KCNMA1: variants seen among roughly 807,000 people sequenced by gnomAD.
KCNMA1 encodes the protein potassium calcium-activated channel subfamily M alpha 1, also known as Calcium-activated potassium channel subunit alpha-1.
In KCNMA1, 29 loss-of-function variants were observed where a neutral mutation model predicts 140.0. The ratio of observed to expected loss-of-function variants is 0.21; its 90% CI spans 0.15 to 0.28. The LOEUF is 0.28. Among genes scored for constraint, KCNMA1 ranks in the 10% least tolerant of loss-of-function variants. KCNMA1 has a pLI of 1.00. For missense variants in KCNMA1, 880 were observed against 1,602.2 expected (o/e 0.55, Z 7.70); for synonymous variants, 612 against 611.9 (o/e 1.00, Z 0.00).
chr10:77,017,492 T>C (rs2092280936), intron 17 of KCNMA1, among the ~76,000 whole-genome samples: 2 of 152,160 alleles, frequency 1.3e-5, no homozygotes, highest in Non-Finnish European at 1.5e-5. Context: ...AGGGAGGTAT[T>C]TTTCCCCCAC....
At chr10:77,312,951 A>G (rs1479269774) in intron 2 of KCNMA1, among the ~76,000 whole-genome samples, 1 of 152,186 alleles carries the variant, frequency 6.6e-6, no homozygotes, top group African/African-American at 2.4e-5. Context: ...ACAAATTACC[A>G]CATGATTTAA....
intron 22 of KCNMA1, among the ~76,000 whole-genome samples, chr10:76,946,259 C>T (rs141775236): frequency 1.8e-3 from 275 of 152,226 alleles, no homozygotes; most frequent in Non-Finnish European, 2.8e-3. Context: ...AGTGGCCACG[C>T]GGCATCATTT....
In KCNMA1 at chr10:77,284,079, G is replaced by A. The variant is rs368790213; in HGVS notation, c.541-32823C>T. Among the ~76,000 whole-genome samples the A allele has an allele frequency of 6.9e-4, 105 of 152,290 alleles. 2 individuals are homozygous for A. In the South Asian group the frequency reaches 0.021, roughly 31 times the overall value. On this transcript the variant is annotated intron_variant, in intron 2 of 27. Transcript: ENST00000286628. ...GCCCAGTGGCAAGAAAGACTATGGC[G>A]TGGTGAAAAATTGGGCTAAAGACAA...
chr10:77,440,193 G>A (rs2097366478), intron 1 of KCNMA1, among the ~76,000 whole-genome samples: 1 of 152,206 alleles, frequency 6.6e-6, no homozygotes, highest in African/African-American at 2.4e-5. Context: ...TCAAGACAGT[G>A]GGCCAGATGC....
At chr10:77,508,931 C>T (rs2047278461) in intron 1 of KCNMA1, among the ~76,000 whole-genome samples, 1 of 152,184 alleles carries the variant, frequency 6.6e-6, no homozygotes, top group Non-Finnish European at 1.5e-5. Flanking sequence ...CTGGCTTATT[C>T]CACTTAGCAT....
At chr10:77,520,839 G>T (rs2053130332) in intron 1 of KCNMA1, among the ~76,000 whole-genome samples, 1 of 152,158 alleles carries the variant, frequency 6.6e-6, no homozygotes, top group African/African-American at 2.4e-5. Context: ...TCCAGCCTCA[G>T]GGAAAGGCGT....
At chr10:77,526,661 A>G (rs2055803463) in intron 1 of KCNMA1, among the ~76,000 whole-genome samples, 1 of 152,228 alleles carries the variant, frequency 6.6e-6, no homozygotes, top group Non-Finnish European at 1.5e-5. Flanking sequence ...AGAAGAGTCA[A>G]AAGTGGCACC....
intron 3 of KCNMA1, among the ~76,000 whole-genome samples, chr10:77,193,877 A>T (rs927891754): frequency 6.6e-6 from 1 of 152,172 alleles, no homozygotes; most frequent in Non-Finnish European, 1.5e-5. Context: ...CCCTGGATCC[A>T]TACTCCTCTC....
At chr10:76,876,211 A>C (rs1286648730), downstream of KCNMA1, 1 of 152,650 alleles carries the variant, frequency 6.6e-6, no homozygotes, top group Non-Finnish European at 1.5e-5. Flanking sequence ...CCAAAGAGTT[A>C]ATGGACTAGA....
intron 2 of KCNMA1, among the ~76,000 whole-genome samples, chr10:77,266,428 C>T (rs924846908): frequency 6.6e-6 from 1 of 152,184 alleles, no homozygotes; most frequent in Non-Finnish European, 1.5e-5. Flanking sequence ...TATGACTTCT[C>T]TTGTGTGCTC....
rs560093642 is a variant in KCNMA1, at chr10:77,344,114, A to C, written c.540+59748T>G. On this transcript the variant is annotated intron_variant, in intron 2 of 27. Coordinates refer to ENST00000286628, the MANE Select transcript of KCNMA1 (RefSeq NM_001161352.2). ...AGTGATGCACATCCCTTAGTGCCTC[A>C]TGTCCTGCCTAACAGTGGATGCTGG... 4.6e-4 allele frequency among the ~76,000 whole-genome samples: 70 copies of C among 152,306 alleles called. 1 individual carries two copies. Among genetic ancestry groups the C allele is most frequent in the African/African-American group, 1.7e-3 (69 of 41,572 alleles).
chr10:77,405,404 G>C (rs541081909), intron 1 of KCNMA1, among the ~76,000 whole-genome samples: 1 of 152,292 alleles, frequency 6.6e-6, no homozygotes, highest in African/African-American at 2.4e-5. Context: ...GACAGAGTTG[G>C]CTCAATAACC....
chr10:76,948,987 C>T, intron 22 of KCNMA1, 155 bp downstream of exon 22: 1 of 763,866 alleles, frequency 1.3e-6, no homozygotes, highest in Non-Finnish European at 2.3e-6. Flanking sequence ...TTTGGATTTT[C>T]CTTGACAGAG....
Position 76,961,670 on chromosome 10 carries a change from G to A in KCNMA1, c.2361-7746C>T, listed in dbSNP as rs1012688317. Among the ~76,000 whole-genome samples the A allele has an allele frequency of 4.3e-4, 66 of 152,174 alleles. 1 individual carries two copies. Among genetic ancestry groups the A allele is most frequent in the Non-Finnish European group, 1.8e-4 (12 of 68,002 alleles). Reference sequence around the variant, plus strand: ...TGTTGTCTTATTTTAAGAAATTGTCGCAGCCACCACAATCTTCAGCTACCA... The same window carrying A: ...TGTTGTCTTATTTTAAGAAATTGTCACAGCCACCACAATCTTCAGCTACCA... On this transcript the variant is annotated intron_variant, in intron 20 of 27. Coordinates refer to ENST00000286628, the MANE Select transcript of KCNMA1 (RefSeq NM_001161352.2).
At chr10:77,003,745 T>C (rs945526918) in intron 18 of KCNMA1, among the ~76,000 whole-genome samples, 1 of 152,210 alleles carries the variant, frequency 6.6e-6, no homozygotes, top group African/African-American at 2.4e-5. Context: ...TGTACAATAA[T>C]AGAATCTGAC....
intron 5 of KCNMA1, among the ~76,000 whole-genome samples, chr10:77,155,022 C>T (rs922772798): frequency 5.9e-5 from 9 of 152,038 alleles, no homozygotes; most frequent in African/African-American, 2.2e-4. Context: ...TCCAAAGGAG[C>T]GGGTTGCTGC....
At chr10:77,329,572 C>G (rs1240166574) in intron 2 of KCNMA1, among the ~76,000 whole-genome samples, 1 of 152,206 alleles carries the variant, frequency 6.6e-6, no homozygotes, top group Non-Finnish European at 1.5e-5. Context: ...TTTGTGTCAA[C>G]CACACAGTCT....
At chr10:77,484,316 G>C (rs1489206630) in intron 1 of KCNMA1, among the ~76,000 whole-genome samples, 1 of 152,184 alleles carries the variant, frequency 6.6e-6, no homozygotes, top group Non-Finnish European at 1.5e-5. Context: ...ATGTGCCCAA[G>C]GTCACAGAGC....
At chr10:77,041,931 C>T (rs187226698) in intron 14 of KCNMA1, among the ~76,000 whole-genome samples, 98 of 152,282 alleles carry the variant, frequency 6.4e-4, no homozygotes, top group African/African-American at 2.2e-3. Flanking sequence ...AAGGGCACAC[C>T]TACCATCTAC....
Sources: allele counts gnomAD v4.1 joint callset (sites outside exome capture counted in the v4.1 genomes callset), GRCh38; gene constraint gnomAD v4.1.1; transcripts MANE v1.5; gene names NCBI Gene and HGNC (gene_info 2026-07-23, HGNC 2026-07-21).